The following PARD3 variants were observed in gnomAD, a reference collection of about 807,000 sequenced individuals.
PARD3 encodes partitioning defective 3 homolog.
A neutral mutation model predicts 155.4 loss-of-function variants in PARD3; 75 were observed. That is an observed-to-expected ratio of 0.48 (90% CI 0.40 to 0.58). The LOEUF is 0.58. Ranked by LOEUF, PARD3 falls within the 20% of genes least tolerant of loss-of-function variation. PARD3 has a pLI of 0.00. For synonymous variants in PARD3, 576 were observed against 610.5 expected (o/e 0.94, Z 0.83); for missense variants, 1,642 against 1,721.7 (o/e 0.95, Z 0.82).
intron 10 of PARD3, 72 bp downstream of exon 10, chr10:34,377,894 GT>G (rs1841417344): frequency 5.8e-6 from 7 of 1,204,448 alleles, no homozygotes; most frequent in Non-Finnish European, 7.9e-6. Flanking sequence ...TTATGAAAAT[GT>G]TTTTAAAAGT....
At chr10:34,140,287 T>C (rs1948116858) in intron 22 of PARD3, among the ~76,000 whole-genome samples, 1 of 152,170 alleles carries the variant, frequency 6.6e-6, no homozygotes. Context: ...AATGGATTTG[T>C]CTAAATTTTA....
At chr10:34,383,979 G>T in intron 8 of PARD3, 150 bp downstream of exon 8, 1 of 639,432 alleles carries the variant, frequency 1.6e-6, no homozygotes, top group Non-Finnish European at 2.6e-6. Context: ...TAATTACTGA[G>T]TATGTTTAAA....
intron 20 of PARD3, among the ~76,000 whole-genome samples, chr10:34,293,422 A>G (rs1368698300): frequency 1.3e-5 from 2 of 152,152 alleles, no homozygotes; most frequent in East Asian, 3.8e-4. Flanking sequence ...GCAAATAATA[A>G]TCACATTATA....
At chr10:34,115,434 A>T (rs1946615756) in intron 24 of PARD3, among the ~76,000 whole-genome samples, 1 of 152,154 alleles carries the variant, frequency 6.6e-6, no homozygotes, top group Non-Finnish European at 1.5e-5. Flanking sequence ...TTAAGGAAAG[A>T]AACTAATTTA....
chr10:34,148,664 T>C (rs781680033), intron 22 of PARD3, among the ~76,000 whole-genome samples: 8 of 152,182 alleles, frequency 5.3e-5, no homozygotes, highest in Non-Finnish European at 1.0e-4. Flanking sequence ...TTAATGAAGT[T>C]GAAGATGTTT....
Position 34,487,032 on chromosome 10 carries a change from C to T in PARD3, c.404-16769G>A, listed in dbSNP as rs186023786. Among the ~76,000 whole-genome samples, 143 of 152,112 alleles carry T rather than the reference C, an allele frequency of 9.4e-4. 1 individual carries two copies. The highest frequency in any genetic ancestry group is 7.9e-3 in the South Asian group (38 of 4,820). ...TACCTTTTGTAAACCACAAATCAGA[C>T]GTCATAACTCAGAATTTTCGGTCTG... On this transcript the variant is annotated intron_variant, in intron 3 of 24. Transcript: ENST00000374788.
chr10:34,522,050 C>T (rs1375135211), intron 2 of PARD3, among the ~76,000 whole-genome samples: 1 of 152,090 alleles, frequency 6.6e-6, no homozygotes, highest in Non-Finnish European at 1.5e-5. Flanking sequence ...ACTCCTGGAA[C>T]CAGTGAATGT....
intron 3 of PARD3, among the ~76,000 whole-genome samples, chr10:34,475,235 A>T (rs1169019762): frequency 6.6e-6 from 1 of 152,222 alleles, no homozygotes; most frequent in Non-Finnish European, 1.5e-5. Context: ...AACACAACTC[A>T]ATTTTATGAA....
intron 6 of PARD3, 69 bp from the exon 7 acceptor site, chr10:34,399,482 A>G: frequency 2.1e-6 from 2 of 971,850 alleles, no homozygotes; most frequent in East Asian, 4.8e-5. Flanking sequence ...AAACAAAACA[A>G]AACAAAAAAC....
At chr10:34,596,260 C>T (rs1489276492) in intron 2 of PARD3, among the ~76,000 whole-genome samples, 1 of 151,334 alleles carries the variant, frequency 6.6e-6, no homozygotes, top group Non-Finnish European at 1.5e-5. Flanking sequence ...AGGAAATGTA[C>T]TCACTTAGTT....
chr10:34,262,511 C>A (rs1262673312), intron 22 of PARD3, among the ~76,000 whole-genome samples: 1 of 152,138 alleles, frequency 6.6e-6, no homozygotes, highest in African/African-American at 2.4e-5. Flanking sequence ...AGTGATCCTC[C>A]CATCTCTGCT....
chr10:34,610,828 C>T (rs1033088485), intron 2 of PARD3, among the ~76,000 whole-genome samples: 1 of 151,962 alleles, frequency 6.6e-6, no homozygotes, highest in Admixed American at 6.6e-5. Flanking sequence ...ATTAGAAGTA[C>T]CCACAGCTTT....
At chr10:34,792,284 T>C (rs1841745588) in intron 1 of PARD3, among the ~76,000 whole-genome samples, 1 of 152,110 alleles carries the variant, frequency 6.6e-6, no homozygotes, top group Non-Finnish European at 1.5e-5. Flanking sequence ...AAGGTCTCGC[T>C]GTGTTGCCCC....
intron 2 of PARD3, among the ~76,000 whole-genome samples, chr10:34,649,105 A>G (rs765461057): frequency 1.3e-5 from 2 of 152,170 alleles, no homozygotes; most frequent in Non-Finnish European, 2.9e-5. Context: ...CAGGCATGAC[A>G]TGAGCATACA....
In PARD3 at chr10:34,521,228, T is replaced by C. The variant is rs868513045; in HGVS notation, c.223-4069A>G. Among the ~76,000 whole-genome samples the C allele has an allele frequency of 4.8e-4, 73 of 152,156 alleles. 1 individual carries two copies. The highest frequency in any genetic ancestry group is 1.1e-3 in the Admixed American group (17 of 15,282). On this transcript the variant is annotated intron_variant, in intron 2 of 24. Coordinates refer to ENST00000374788, the MANE Select transcript of PARD3 (RefSeq NM_001184785.2). ...CAGTTGGTGATTTGCAATATGCCAA[T>C]AACATACAATTGCACAGCTTTCTTT... is the stretch of plus-strand genomic sequence containing the variant.
At chr10:34,241,239 C>T (rs920932969) in intron 22 of PARD3, among the ~76,000 whole-genome samples, 2 of 152,128 alleles carry the variant, frequency 1.3e-5, no homozygotes, top group Non-Finnish European at 2.9e-5. Context: ...GCCTGGATAA[C>T]AGGAAGATGC....
At chr10:34,699,660 A>T (rs1260978382) in intron 1 of PARD3, among the ~76,000 whole-genome samples, 1 of 152,222 alleles carries the variant, frequency 6.6e-6, no homozygotes. Context: ...TCAGAAATGT[A>T]GCTGAGCAAA....
At chr10:34,641,986 C>G (rs901754078) in intron 2 of PARD3, among the ~76,000 whole-genome samples, 1 of 152,118 alleles carries the variant, frequency 6.6e-6, no homozygotes, top group Non-Finnish European at 1.5e-5. Flanking sequence ...TGGTAATGAA[C>G]ACCTAAGGTC....
chr10:34,585,557 T>G (rs1407318416), intron 2 of PARD3, among the ~76,000 whole-genome samples: 2 of 151,584 alleles, frequency 1.3e-5, no homozygotes, highest in Admixed American at 1.3e-4. Context: ...CTTTTTTTTT[T>G]TGGCAAAACT....
Sources: gnomAD v4.1 joint callset for allele counts (sites outside exome capture counted in the v4.1 genomes callset) on GRCh38, gnomAD v4.1.1 for gene constraint, MANE v1.5 for transcripts, NCBI Gene and HGNC (gene_info 2026-07-23, HGNC 2026-07-21) for gene names.